FAT3: variants seen among roughly 807,000 people sequenced by gnomAD.
The protein encoded by FAT3 is FAT atypical cadherin 3.
In FAT3, 95 loss-of-function variants were observed where a neutral mutation model predicts 310.2. That is an observed-to-expected ratio of 0.31 (90% CI 0.26 to 0.36). FAT3 has a LOEUF of 0.36. FAT3 is among the 10% of genes least tolerant of loss of function. FAT3 has a pLI of 1.00. For missense variants in FAT3, 5,408 were observed against 5,715.6 expected (o/e 0.95, Z 1.74); for synonymous variants, 2,314 against 2,192.9 (o/e 1.06, Z -1.54).
intron 2 of FAT3, among the ~76,000 whole-genome samples, chr11:92,362,977 A>G (rs1948920023): frequency 6.6e-6 from 1 of 152,258 alleles, no homozygotes; most frequent in African/African-American, 2.4e-5. Context: ...TGCTCTCCAC[A>G]TCTTTTCTAC....
chr11:92,748,185 T>C (rs375129700), intron 4 of FAT3, among the ~76,000 whole-genome samples: 72 of 152,194 alleles, frequency 4.7e-4, no homozygotes, highest in African/African-American at 1.7e-3. Flanking sequence ...TGGTGGAAGG[T>C]GAATGAGGAG....
chr11:92,610,832 G>C (rs11605574), intron 3 of FAT3, among the ~76,000 whole-genome samples: 4 of 152,176 alleles, frequency 2.6e-5, no homozygotes, highest in Non-Finnish European at 2.9e-5. Flanking sequence ...TAGGCACTTA[G>C]ACATTTGTGG....
chr11:92,315,789 C>G (rs1947445472), intron 1 of FAT3, among the ~76,000 whole-genome samples: 1 of 151,578 alleles, frequency 6.6e-6, no homozygotes, highest in Non-Finnish European at 1.5e-5. Context: ...CCCAAAGTGC[C>G]AGGATTATAG....
At chr11:92,290,743 G>A (rs369241840) in intron 1 of FAT3, among the ~76,000 whole-genome samples, 205 of 151,184 alleles carry the variant, frequency 1.4e-3, no homozygotes, top group Middle Eastern at 3.4e-3. Flanking sequence ...CAGCCTGGGC[G>A]ACAGAGTGAG....
At chr11:92,887,221 A>C in intron 25 of FAT3, 108 bp downstream of exon 25, 5 of 930,782 alleles carry the variant, frequency 5.4e-6, no homozygotes, top group Non-Finnish European at 8.2e-6. Flanking sequence ...CAACCTGTTC[A>C]TGGGCTTTTG....
chr11:92,468,426 T>C (rs2135139436), intron 2 of FAT3, among the ~76,000 whole-genome samples: 1 of 152,320 alleles, frequency 6.6e-6, no homozygotes, highest in East Asian at 1.9e-4. Flanking sequence ...ATATATAACC[T>C]TTTGTATAGC....
At chr11:92,356,944 A>G (rs542641187) in intron 2 of FAT3, among the ~76,000 whole-genome samples, 1 of 152,344 alleles carries the variant, frequency 6.6e-6, no homozygotes, top group East Asian at 1.9e-4. Flanking sequence ...CATAGGCTCT[A>G]ATTATGGCCA....
chr11:92,880,760 A>G lies in FAT3; in HGVS notation c.12157A>G (p.Thr4053Ala), dbSNP rs1698153797. The G allele has an allele frequency of 1.2e-5, 19 of 1,613,878 alleles. No individual in the cohort carries two copies. The highest frequency in any genetic ancestry group is 1.6e-5 in the Non-Finnish European group (19 of 1,179,852). The change falls in exon 23 of 28, where the codon ACG (threonine) becomes GCG (alanine). Residue 4053 changes from threonine (T) to alanine (A), a missense_variant. By Grantham distance (58) the Thr-to-Ala change is moderately conservative. Coordinates refer to ENST00000525166, the MANE Select transcript of FAT3 (RefSeq NM_001367949.2). ...GYQCTCLSQF[T>A]GRNCESEITA... is the part of the protein sequence containing the mutation. ...TCAGTGTACCTGTCTCTCACAGTTTACGGGGAGAAACTGTGAATCTGAGAT... is the reference window on the plus strand; with the variant it reads ...TCAGTGTACCTGTCTCTCACAGTTTGCGGGGAGAAACTGTGAATCTGAGAT...
At chr11:92,386,216 A>C (rs1949614949) in intron 2 of FAT3, among the ~76,000 whole-genome samples, 1 of 152,234 alleles carries the variant, frequency 6.6e-6, no homozygotes, top group South Asian at 2.1e-4. Flanking sequence ...TTTTGGGTCA[A>C]CAACCAAGAG....
intron 1 of FAT3, among the ~76,000 whole-genome samples, chr11:92,347,362 T>G (rs1439231755): frequency 6.6e-6 from 1 of 152,194 alleles, no homozygotes; most frequent in South Asian, 2.1e-4. Context: ...AGCAAATTTC[T>G]TGAGTACCCT....
chr11:92,448,776 C>T (rs1235663358), intron 2 of FAT3, among the ~76,000 whole-genome samples: 1 of 152,184 alleles, frequency 6.6e-6, no homozygotes, highest in African/African-American at 2.4e-5. Context: ...TCTCCCTGCT[C>T]TTTTGCATTC....
At position 92,813,167 on chromosome 11, in the gene FAT3, C is replaced by T. The variant is rs1003857510; in HGVS notation, c.9481+3091C>T. The stretch of plus-strand genomic sequence containing the variant: ...TTCCCTTTATAAATTACCCAGTCTC[C>T]GGTATATCTTTATTAGCAGCATGAG... On this transcript the variant is annotated intron_variant, in intron 13 of 27. Transcript: ENST00000525166. Among the ~76,000 whole-genome samples the T allele has an allele frequency of 8.6e-5, 13 of 152,022 alleles. No homozygotes were observed. In the South Asian group the frequency reaches 1.5e-3, roughly 17 times the overall value.
intron 3 of FAT3, among the ~76,000 whole-genome samples, chr11:92,684,370 GGAAA>G (rs1346388176): frequency 6.6e-6 from 1 of 152,154 alleles, no homozygotes; most frequent in African/African-American, 2.4e-5. Flanking sequence ...AATGGTGAAA[GGAAA>G]GAAAGTCCCG....
chr11:92,868,705 C>G (rs1034706788), intron 22 of FAT3, among the ~76,000 whole-genome samples: 1 of 152,156 alleles, frequency 6.6e-6, no homozygotes, highest in African/African-American at 2.4e-5. Flanking sequence ...TGGGCTTCCA[C>G]AATGGATTAT....
intron 2 of FAT3, among the ~76,000 whole-genome samples, chr11:92,458,137 A>G (rs183644169): frequency 1.3e-5 from 2 of 152,284 alleles, no homozygotes; most frequent in East Asian, 1.9e-4. Context: ...CTTTCCTGCT[A>G]TGGTAAACAG....
chr11:92,379,410 T>G (rs1423458018), intron 2 of FAT3, among the ~76,000 whole-genome samples: 1 of 152,190 alleles, frequency 6.6e-6, no homozygotes, highest in Non-Finnish European at 1.5e-5. Context: ...TGGAGTTATC[T>G]TTTTTGACTG....
chr11:92,639,525 C>G (rs1036331241), intron 3 of FAT3, among the ~76,000 whole-genome samples: 2 of 152,162 alleles, frequency 1.3e-5, no homozygotes, highest in Non-Finnish European at 2.9e-5. Flanking sequence ...CATGCCCCAT[C>G]TCTCTCTGAG....
chr11:92,480,220 G>A (rs561258072), intron 2 of FAT3, among the ~76,000 whole-genome samples: 1 of 151,976 alleles, frequency 6.6e-6, no homozygotes. Flanking sequence ...AGCCGAGATG[G>A]CACCACTGCA....
chr11:92,297,048 C>G (rs189565911), intron 1 of FAT3, among the ~76,000 whole-genome samples: 17 of 152,194 alleles, frequency 1.1e-4, no homozygotes, highest in Admixed American at 9.8e-4. Flanking sequence ...ACCTTACACT[C>G]TAGTAACAAG....
Sources: allele counts gnomAD v4.1 joint callset (sites outside exome capture counted in the v4.1 genomes callset), GRCh38; gene constraint gnomAD v4.1.1; transcripts MANE v1.5; gene names NCBI Gene and HGNC (gene_info 2026-07-23, HGNC 2026-07-21).